The following SLC35D1 variants were observed in gnomAD, a reference collection of about 807,000 sequenced individuals.
The protein encoded by SLC35D1 is solute carrier family 35 member D1.
A neutral mutation model predicts 46.7 loss-of-function variants in SLC35D1; 31 were observed. That is an observed-to-expected ratio of 0.66 (90% CI 0.50 to 0.90). The LOEUF (loss-of-function observed/expected upper bound fraction) is 0.90, where lower values mean the gene tolerates loss of function less well. SLC35D1 is among the 40% of genes least tolerant of loss of function. The probability of loss-of-function intolerance (pLI) is 0.00; values close to 1 mark genes in which losing one functional copy is unlikely to be tolerated. For synonymous variants in SLC35D1, 195 were observed against 164.6 expected (o/e 1.18, Z -1.41); for missense variants, 397 against 426.2 (o/e 0.93, Z 0.60).
chr1:67,005,437 G>A (rs181331398), intron 11 of SLC35D1, among the ~76,000 whole-genome samples: 41 of 152,280 alleles, frequency 2.7e-4, no homozygotes, highest in African/African-American at 9.4e-4. Flanking sequence ...AGGCACTGGC[G>A]CTTGTTCTTT....
At chr1:67,044,947 A>C (rs1249193255) in intron 7 of SLC35D1, among the ~76,000 whole-genome samples, 1 of 152,188 alleles carries the variant, frequency 6.6e-6, no homozygotes, top group East Asian at 1.9e-4. Flanking sequence ...GTACTGCCTT[A>C]CTGCCTCTGG....
chr1:66,990,908 C>G, the SLC35D1 span, among the ~76,000 whole-genome samples: 1 of 152,144 alleles, frequency 6.6e-6, no homozygotes, highest in African/African-American at 2.4e-5. Context: ...CCATCATACA[C>G]CCACATCCAA....
the SLC35D1 span, among the ~76,000 whole-genome samples, chr1:66,978,004 C>T: frequency 4.6e-5 from 7 of 151,908 alleles, no homozygotes; most frequent in Non-Finnish European, 1.0e-4. Flanking sequence ...TGAGACCAGC[C>T]TGACAAACAT....
intron 7 of SLC35D1, 96 bp downstream of exon 7, chr1:67,047,168 TC>T: frequency 1.1e-6 from 1 of 896,890 alleles, no homozygotes. Context: ...GTCTTTCTCA[TC>T]CCCAGTAAGA....
At chr1:67,022,788 G>A (rs1226828824) in intron 8 of SLC35D1, among the ~76,000 whole-genome samples, 2 of 152,146 alleles carry the variant, frequency 1.3e-5, no homozygotes, top group African/African-American at 2.4e-5. Flanking sequence ...TTACAATCAC[G>A]ATAAAGAAAT....
At chr1:66,980,974 C>A in the SLC35D1 span, among the ~76,000 whole-genome samples, 13 of 152,078 alleles carry the variant, frequency 8.5e-5, no homozygotes, top group Non-Finnish European at 1.9e-4. Context: ...TTACAAAAAA[C>A]AGATGGCCAG....
At chr1:67,034,970 A>C (rs1468779872) in intron 8 of SLC35D1, among the ~76,000 whole-genome samples, 1 of 152,158 alleles carries the variant, frequency 6.6e-6, no homozygotes, top group East Asian at 1.9e-4. Context: ...GTATTACATT[A>C]ATTGATTTGT....
At position 67,041,139 on chromosome 1, in the gene SLC35D1, G is replaced by C. The variant is rs539896822; in HGVS notation, c.729+1097C>G. ...TATACAAAGTGACTAACACATAATA[G>C]GGATTCAATAAATGTTAGTTTCTTG... On this transcript the variant is annotated intron_variant, in intron 8 of 11. Coordinates refer to ENST00000235345, the MANE Select transcript of SLC35D1 (RefSeq NM_015139.3). Among the ~76,000 whole-genome samples the C allele has an allele frequency of 5.3e-5, 8 of 152,100 alleles. No individual in the cohort carries two copies. The South Asian group carries it at 1.7e-3, about 32-fold the overall frequency.
chr1:67,047,307 T>C lies in SLC35D1; in HGVS notation c.594A>G (p.Thr198=), dbSNP rs1457565176. The change falls in exon 7 of 12, where the codon ACA becomes ACG. Residue 198 remains threonine, a synonymous_variant. Coordinates refer to ENST00000235345, the MANE Select transcript of SLC35D1 (RefSeq NM_015139.3). Reference sequence around the variant, plus strand: ...GTTTTACGTATGCACCATTTGCTGCTGTTAGGACATCGTTTATCAGAATAA... The same window carrying C: ...GTTTTACGTATGCACCATTTGCTGCCGTTAGGACATCGTTTATCAGAATAA... ...YAFILINDVL[T]AANGAYVKQK... is the part of the protein sequence containing the mutation. 1.1e-5 allele frequency: 18 copies of C among 1,613,546 alleles called. No homozygotes were observed. In the South Asian group the frequency reaches 1.6e-4, roughly 15 times the overall value.
chr1:67,004,061 T>G lies in SLC35D1; in HGVS notation c.*279A>C, dbSNP rs539980498. 2.2e-5 allele frequency: 8 copies of G among 366,802 alleles called. No homozygotes were observed. The highest frequency in any genetic ancestry group is 4.1e-5 in the Non-Finnish European group (8 of 193,594). The allele number at this position is 366,802 out of a possible 1,614,324, so 22.7% of individuals were successfully genotyped here. ...AAATAAAATACTTTCAAAACACTGA[T>G]GTTTCACTGTCGGCATATAAGAAAA... On this transcript the variant is annotated 3_prime_UTR_variant, in exon 12 of 12. Coordinates refer to ENST00000235345, the MANE Select transcript of SLC35D1 (RefSeq NM_015139.3).
intron 8 of SLC35D1, among the ~76,000 whole-genome samples, chr1:67,034,211 T>A (rs1214269279): frequency 6.6e-6 from 1 of 152,260 alleles, no homozygotes; most frequent in East Asian, 1.9e-4. Context: ...AGGATATTTT[T>A]TTCTACTTCT....
chr1:67,050,735 C>T (rs971956663), intron 4 of SLC35D1, among the ~76,000 whole-genome samples: 1 of 152,102 alleles, frequency 6.6e-6, no homozygotes, highest in African/African-American at 2.4e-5. Context: ...AACTACAAAA[C>T]TTTATTCTAA....
intron 10 of SLC35D1, among the ~76,000 whole-genome samples, chr1:67,014,222 C>G (rs1209060257): frequency 6.6e-6 from 1 of 152,152 alleles, no homozygotes; most frequent in Admixed American, 6.5e-5. Context: ...ACCTTGACAT[C>G]CATTTTTAAT....
the SLC35D1 span, chr1:66,988,301 G>T: frequency 1.7e-4 from 26 of 152,188 alleles, no homozygotes; most frequent in Admixed American, 3.9e-4. Context: ...TAATTCTACT[G>T]ATACAACTTT....
the SLC35D1 span, among the ~76,000 whole-genome samples, chr1:66,992,723 T>C: frequency 6.6e-6 from 1 of 152,230 alleles, no homozygotes; most frequent in Non-Finnish European, 1.5e-5. Flanking sequence ...AACTTGTCTT[T>C]GCGGTTAGGC....
intron 4 of SLC35D1, among the ~76,000 whole-genome samples, chr1:67,050,793 G>A (rs183426554): frequency 2.6e-4 from 40 of 152,060 alleles, no homozygotes; most frequent in African/African-American, 9.4e-4. Flanking sequence ...AATAGAAAAA[G>A]GCTTCCTTCT....
chr1:67,047,429 A>G lies in SLC35D1; in HGVS notation c.534-62T>C. On this transcript the variant is annotated intron_variant, in intron 6 of 11. Coordinates refer to ENST00000235345, the MANE Select transcript of SLC35D1 (RefSeq NM_015139.3). ...AGAACATGCATTTAATTTTAAATAG[A>G]TATAAGCTAAAATATTTACAAGAAC... The G allele has an allele frequency of 3.0e-6, 4 of 1,317,942 alleles. No homozygotes were observed. In the Admixed American group the frequency reaches 5.2e-5, roughly 17 times the overall value. The allele number at this position is 1,317,942 out of a possible 1,614,324, so 81.6% of individuals were successfully genotyped here.
chr1:66,994,935 AAG>A (rs1183454810), downstream of SLC35D1, among the ~76,000 whole-genome samples: 1 of 151,490 alleles, frequency 6.6e-6, no homozygotes, highest in African/African-American at 2.4e-5. Flanking sequence ...AAAAAAAAAA[AAG>A]AAGAAACAAC....
intron 8 of SLC35D1, among the ~76,000 whole-genome samples, chr1:67,030,829 A>T (rs933776262): frequency 2.0e-5 from 3 of 152,190 alleles, no homozygotes; most frequent in African/African-American, 4.8e-5. Flanking sequence ...GCAAATGATT[A>T]AAAAAGTGCT....
Sources: gnomAD v4.1 joint callset for allele counts (sites outside exome capture counted in the v4.1 genomes callset) on GRCh38, gnomAD v4.1.1 for gene constraint, MANE v1.5 for transcripts, NCBI Gene and HGNC (gene_info 2026-07-23, HGNC 2026-07-21) for gene names.